Variants in CACNA2D2 observed in about 807,000 individuals in gnomAD.
The protein encoded by CACNA2D2 is voltage-dependent calcium channel subunit alpha-2/delta-2.
In CACNA2D2, 48 loss-of-function variants were observed where a neutral mutation model predicts 166.4. The ratio of observed to expected loss-of-function variants is 0.29; its 90% CI spans 0.23 to 0.37. The LOEUF (loss-of-function observed/expected upper bound fraction) is 0.37, where lower values mean the gene tolerates loss of function less well. CACNA2D2 is among the 10% of genes least tolerant of loss of function. CACNA2D2 has a pLI of 1.00. For synonymous variants in CACNA2D2, 561 were observed against 573.7 expected (o/e 0.98, Z 0.32); for missense variants, 1,122 against 1,433.0 (o/e 0.78, Z 3.50).
In CACNA2D2 at chr3:50,365,033, G is replaced by GC. The variant is rs1704156069; in HGVS notation, c.3208+41dup. 4 of 1,598,554 alleles carry GC rather than the reference G, an allele frequency of 2.5e-6. No individual in the cohort carries two copies. The South Asian group carries it at 4.4e-5, about 18-fold the overall frequency. On this transcript the variant is annotated intron_variant, in intron 36 of 37. Transcript: ENST00000424201. This position sits in a 1 kb window ranked among gnomAD's most constrained non-coding sequence, Gnocchi z 4.5. ...CGGCGGCACGGAGGGGGCGCGCGGGGCAGAGGGGGAGCGGGCGGCGGGGAG... is the reference window on the plus strand; with the variant it reads ...CGGCGGCACGGAGGGGGCGCGCGGGGCCAGAGGGGGAGCGGGCGGCGGGGAG...
Position 50,364,710 on chromosome 3 carries a change from G to C in CACNA2D2, c.3388C>G (p.Arg1130Gly). Residue 1130 changes from arginine (R) to glycine (G), a missense_variant, in exon 38 of 38, where the codon CGG becomes GGG. Coordinates refer to ENST00000424201, the MANE Select transcript of CACNA2D2 (RefSeq NM_006030.4). ...TGGACGAGGACTTGAGGCTGCGGCC[G>C]GGGCGGCAGGCCCAGGAGGAGCAGC... The part of the protein sequence containing the change: ...QLLLLLGLPP[R>G]PQPQVLVHAS... 6.5e-7 allele frequency: 1 copy of C among 1,546,590 alleles called. No homozygotes were observed. The highest frequency in any genetic ancestry group is 8.7e-7 in the Non-Finnish European group (1 of 1,145,426).
chr3:50,440,831 C>G (rs1708556032), intron 2 of CACNA2D2, among the ~76,000 whole-genome samples: 1 of 152,036 alleles, frequency 6.6e-6, no homozygotes, highest in Non-Finnish European at 1.5e-5. Flanking sequence ...CAGAGCTGTG[C>G]AGGAGACACT....
intron 3 of CACNA2D2, among the ~76,000 whole-genome samples, chr3:50,401,339 G>T (rs575895208): frequency 4.6e-5 from 7 of 152,294 alleles, no homozygotes; most frequent in South Asian, 4.1e-4. Flanking sequence ...CTCTGCAGCA[G>T]GGCAGCCGCC....
At position 50,366,415 on chromosome 3, in the gene CACNA2D2, C is replaced by G; in HGVS notation, c.2638-77G>C. 6.5e-7 allele frequency: 1 copy of G among 1,532,794 alleles called. No individual in the cohort carries two copies. The highest frequency in any genetic ancestry group is 9.0e-7 in the Non-Finnish European group (1 of 1,106,686). 94.9% of individuals were successfully genotyped at this position (1,532,794 alleles called of 1,614,324 possible). ...TTCCACCGCAGGCAGTCCAGTGGTT[C>G]AGAGTTGGGGGGCATCACTCCCCCA... On this transcript the variant is annotated intron_variant, in intron 30 of 37. Transcript: ENST00000424201. The surrounding 1 kb of genome is among the most constrained non-coding windows in gnomAD (Gnocchi z 5.9).
intron 22 of CACNA2D2, 35 bp downstream of exon 22, chr3:50,374,702 G>A: frequency 6.4e-7 from 1 of 1,567,630 alleles, no homozygotes; most frequent in East Asian, 2.4e-5. Flanking sequence ...GGCAGAGGCA[G>A]GGTGCAGGGC....
rs587667347 is a variant in CACNA2D2 at position 50,365,521 on chromosome 3, C to G, written c.2972-39G>C. 1 of 1,606,774 alleles carries G rather than the reference C, an allele frequency of 6.2e-7. No individual in the cohort carries two copies. The highest frequency in any genetic ancestry group is 1.1e-5 in the South Asian group (1 of 90,318). On this transcript the variant is annotated intron_variant, in intron 34 of 37. Transcript: ENST00000424201. This position sits in a 1 kb window ranked among gnomAD's most constrained non-coding sequence, Gnocchi z 4.5. ...GAGCGCCTCAGCTCCGCCCACAGAC[C>G]CTGGCAAGGTCTCCGGCCTCCCTCA...
chr3:50,422,327 TC>T (rs1300506123), intron 3 of CACNA2D2, among the ~76,000 whole-genome samples: 5 of 152,132 alleles, frequency 3.3e-5, no homozygotes, highest in African/African-American at 1.2e-4. Flanking sequence ...TTCTGCCAGA[TC>T]TTCCACTCCA....
chr3:50,492,120 T>C (rs1698544757), intron 1 of CACNA2D2, among the ~76,000 whole-genome samples: 1 of 152,194 alleles, frequency 6.6e-6, no homozygotes, highest in Admixed American at 6.5e-5. Flanking sequence ...CCCCGCAAGA[T>C]GAGAATGAAG....
At chr3:50,400,254 G>A (rs538238379) in intron 3 of CACNA2D2, among the ~76,000 whole-genome samples, 3 of 152,346 alleles carry the variant, frequency 2.0e-5, no homozygotes, top group East Asian at 1.9e-4. Flanking sequence ...AGAAGTGCAG[G>A]TGGGGTTAGG....
chr3:50,406,277 C>T (rs1237538760), intron 3 of CACNA2D2, among the ~76,000 whole-genome samples: 1 of 151,848 alleles, frequency 6.6e-6, no homozygotes, highest in Non-Finnish European at 1.5e-5. Context: ...TCTTTTCTGT[C>T]AATTTGCATC....
chr3:50,450,987 A>G (rs145251113), intron 2 of CACNA2D2, among the ~76,000 whole-genome samples: 204 of 152,096 alleles, frequency 1.3e-3, no homozygotes, highest in African/African-American at 4.7e-3. Context: ...TGTGTACAAA[A>G]CCACTGTGCC....
chr3:50,467,684 A>G (rs1454572793), intron 2 of CACNA2D2, among the ~76,000 whole-genome samples: 2 of 152,184 alleles, frequency 1.3e-5, no homozygotes, highest in East Asian at 3.9e-4. Flanking sequence ...GCTTTAGGAG[A>G]ACCCAAAGAT....
chr3:50,449,159 T>G (rs1708991685), intron 2 of CACNA2D2, among the ~76,000 whole-genome samples: 1 of 152,190 alleles, frequency 6.6e-6, no homozygotes, highest in Non-Finnish European at 1.5e-5. Flanking sequence ...TAAGGTAGAT[T>G]CGTTGAAGCC....
intron 3 of CACNA2D2, among the ~76,000 whole-genome samples, chr3:50,430,138 C>T (rs934642894): frequency 3.3e-5 from 5 of 152,270 alleles, no homozygotes; most frequent in Non-Finnish European, 4.4e-5. Context: ...AAGGGCCTCC[C>T]GGAAAGCAGG....
In CACNA2D2 at chr3:50,379,866, C is replaced by T. The variant is rs369711900; in HGVS notation, c.894-42G>A. 1 of 1,610,282 alleles carries T rather than the reference C, an allele frequency of 6.2e-7. No homozygotes were observed. Among genetic ancestry groups the T allele is most frequent in the Non-Finnish European group, 8.5e-7 (1 of 1,176,732 alleles). Reference sequence around the variant, plus strand: ...GGGGACGTGGAGGAGCCAGGGGAACCTCACGTGTTCTCCTGCCCATCCCCC... The same window carrying T: ...GGGGACGTGGAGGAGCCAGGGGAACTTCACGTGTTCTCCTGCCCATCCCCC... On this transcript the variant is annotated intron_variant, in intron 9 of 37. Coordinates refer to ENST00000424201, the MANE Select transcript of CACNA2D2 (RefSeq NM_006030.4). The surrounding 1 kb of genome is among the most constrained non-coding windows in gnomAD (Gnocchi z 6.5).
At chr3:50,443,117 A>G (rs1708679300) in intron 2 of CACNA2D2, among the ~76,000 whole-genome samples, 1 of 152,248 alleles carries the variant, frequency 6.6e-6, no homozygotes, top group Non-Finnish European at 1.5e-5. Context: ...AGCTGTGCCC[A>G]GCATACCAGC....
At chr3:50,387,731 C>A (rs1458972800) in intron 4 of CACNA2D2, 119 bp from the exon 5 acceptor site, 5 of 784,138 alleles carry the variant, frequency 6.4e-6, no homozygotes, top group Non-Finnish European at 8.3e-6. Flanking sequence ...CTGTCCCTTT[C>A]CCCCACCCAG....
At chr3:50,453,422 G>A (rs1271102333) in intron 2 of CACNA2D2, among the ~76,000 whole-genome samples, 1 of 152,232 alleles carries the variant, frequency 6.6e-6, no homozygotes, top group Non-Finnish European at 1.5e-5. Context: ...GCACCCACCA[G>A]TGCCAAATCC....
intron 4 of CACNA2D2, among the ~76,000 whole-genome samples, chr3:50,389,911 C>T (rs1382207854): frequency 6.6e-6 from 1 of 151,660 alleles, no homozygotes; most frequent in African/African-American, 2.4e-5. Flanking sequence ...TGGATGGTGG[C>T]ACACAAGGTC....
Sources: gnomAD v4.1 joint callset for allele counts (sites outside exome capture counted in the v4.1 genomes callset) on GRCh38, gnomAD v4.1.1 for gene constraint, Gnocchi (gnomAD v3.1) non-coding constraint, MANE v1.5 for transcripts, NCBI Gene and HGNC (gene_info 2026-07-23, HGNC 2026-07-21) for gene names.